Variants in DACH2 observed in about 807,000 individuals in gnomAD.
DACH2 encodes the protein dachshund homolog 2.
DACH2 carries 17 observed loss-of-function variants against 35.8 expected under a neutral mutation model. That is an observed-to-expected ratio of 0.48 (90% confidence interval 0.33 to 0.71). The LOEUF is 0.71. DACH2 is among the 30% of genes least tolerant of loss of function. The pLI is 0.02. For missense variants in DACH2, 469 were observed against 472.7 expected (o/e 0.99, Z 0.07); for synonymous variants, 195 against 177.3 (o/e 1.10, Z -0.79).
intron 3 of DACH2, among the ~76,000 whole-genome samples, chrX:86,625,694 C>A (rs1054500725): frequency 9.0e-6 from 1 of 111,108 alleles, no homozygotes; most frequent in South Asian, 3.8e-4. Flanking sequence ...TGGAAGAAGG[C>A]AAATTAGGAG....
intron 1 of DACH2, among the ~76,000 whole-genome samples, chrX:86,334,062 C>T (rs1340827814): frequency 8.9e-6 from 1 of 111,761 alleles, no homozygotes; most frequent in Non-Finnish European, 1.9e-5. Flanking sequence ...GAGTTTCATC[C>T]ATGTCCCTTC....
chrX:86,410,035 T>A (rs1490258342), intron 2 of DACH2, among the ~76,000 whole-genome samples: 1 of 112,209 alleles, frequency 8.9e-6, no homozygotes, highest in African/African-American at 3.2e-5. Context: ...ATATGACTAG[T>A]GCCAATACTG....
chrX:86,187,119 C>T (rs981612602), intron 1 of DACH2, among the ~76,000 whole-genome samples: 9 of 111,166 alleles, frequency 8.1e-5, no homozygotes, highest in African/African-American at 2.9e-4. Flanking sequence ...TGAAGTATTA[C>T]AGATATATAG....
chrX:86,825,964 A>C (rs2042558910), intron 11 of DACH2, among the ~76,000 whole-genome samples: 1 of 111,881 alleles, frequency 8.9e-6, no homozygotes, highest in African/African-American at 3.2e-5. Context: ...CCTCATCAAT[A>C]AGTTAGATAC....
chrX:86,326,280 G>A (rs561551087), intron 1 of DACH2, among the ~76,000 whole-genome samples: 4 of 110,220 alleles, frequency 3.6e-5, no homozygotes, highest in African/African-American at 1.3e-4. Context: ...TTTGAGAGCA[G>A]CCCGGCCAAC....
At chrX:86,527,080 C>T (rs778265932) in intron 3 of DACH2, among the ~76,000 whole-genome samples, 9 of 110,555 alleles carry the variant, frequency 8.1e-5, no homozygotes, top group Non-Finnish European at 1.5e-4. Context: ...GAAAGGAGGG[C>T]GATTTTCTCA....
intron 3 of DACH2, among the ~76,000 whole-genome samples, chrX:86,605,352 A>T (rs1270034059): frequency 9.0e-6 from 1 of 111,179 alleles, no homozygotes; most frequent in African/African-American, 3.3e-5. Context: ...ATGTGTAACA[A>T]ATTCTTTATT....
intron 3 of DACH2, among the ~76,000 whole-genome samples, chrX:86,515,902 G>T (rs569091954): frequency 1.8e-5 from 2 of 112,213 alleles, no homozygotes; most frequent in East Asian, 5.6e-4. Flanking sequence ...AATATTGAGG[G>T]CCTGAAGGCA....
At chrX:86,535,777 C>T (rs2038789493) in intron 3 of DACH2, among the ~76,000 whole-genome samples, 1 of 110,532 alleles carries the variant, frequency 9.0e-6, no homozygotes, top group South Asian at 3.9e-4. Context: ...GGAAGGGGTC[C>T]CGAGCAGGTA....
intron 1 of DACH2, among the ~76,000 whole-genome samples, chrX:86,346,948 G>A (rs938669061): frequency 3.1e-4 from 35 of 111,431 alleles, no homozygotes; most frequent in African/African-American, 1.1e-3. Flanking sequence ...TAAAAGTTTA[G>A]TGCTCTCTAG....
intron 3 of DACH2, among the ~76,000 whole-genome samples, chrX:86,618,531 A>C (rs2148375635): frequency 8.9e-6 from 1 of 112,031 alleles, no homozygotes; most frequent in East Asian, 2.8e-4. Flanking sequence ...CCTAGAGTGT[A>C]CTACTTTGTA....
intron 2 of DACH2, among the ~76,000 whole-genome samples, chrX:86,397,875 G>A (rs917534893): frequency 3.6e-5 from 4 of 111,696 alleles, no homozygotes; most frequent in African/African-American, 1.3e-4. Flanking sequence ...TCTCTGCCAG[G>A]CTTTGGTATC....
chrX:86,173,540 T>C (rs755267747), intron 1 of DACH2, among the ~76,000 whole-genome samples: 2 of 111,331 alleles, frequency 1.8e-5, no homozygotes, highest in East Asian at 2.9e-4. Context: ...TGTCTCAAAC[T>C]GAGAGAACAG....
intron 4 of DACH2, among the ~76,000 whole-genome samples, chrX:86,680,112 A>C (rs2148431798): frequency 8.9e-6 from 1 of 112,059 alleles, no homozygotes; most frequent in South Asian, 3.7e-4. Flanking sequence ...AAAAAGATCC[A>C]GACATCTCAA....
At chrX:86,395,447 T>A (rs1177155109) in intron 2 of DACH2, among the ~76,000 whole-genome samples, 1 of 111,160 alleles carries the variant, frequency 9.0e-6, no homozygotes, top group Non-Finnish European at 1.9e-5. Flanking sequence ...GCAGGTTTGT[T>A]ACATATGCAT....
intron 3 of DACH2, among the ~76,000 whole-genome samples, chrX:86,638,434 G>T (rs1329293215): frequency 9.0e-6 from 1 of 111,526 alleles, no homozygotes; most frequent in Non-Finnish European, 1.9e-5. Flanking sequence ...GAAAAATTTG[G>T]CACAGAAAAA....
At chrX:86,319,381 T>C (rs2034974865) in intron 1 of DACH2, among the ~76,000 whole-genome samples, 1 of 112,105 alleles carries the variant, frequency 8.9e-6, no homozygotes, top group Non-Finnish European at 1.9e-5. Context: ...TCACCTCGTA[T>C]GCAAATCCAT....
chrX:86,628,689 T>C (rs978321468), intron 3 of DACH2, among the ~76,000 whole-genome samples: 2 of 112,220 alleles, frequency 1.8e-5, no homozygotes, highest in Non-Finnish European at 3.8e-5. Context: ...CAAAGAATCA[T>C]AGTAGTTGCT....
intron 1 of DACH2, among the ~76,000 whole-genome samples, chrX:86,344,810 G>A (rs2035471182): frequency 1.8e-5 from 2 of 111,303 alleles, no homozygotes; most frequent in African/African-American, 6.5e-5. Flanking sequence ...TGCTCCTAGG[G>A]ACCAAACATA....
Sources: allele counts gnomAD v4.1 joint callset (sites outside exome capture counted in the v4.1 genomes callset), GRCh38; gene constraint gnomAD v4.1.1; transcripts MANE v1.5; gene names NCBI Gene and HGNC (gene_info 2026-07-23, HGNC 2026-07-21).